MLIP: variants seen among roughly 807,000 people sequenced by gnomAD.
The protein encoded by MLIP is muscular LMNA-interacting protein.
In MLIP, 79 loss-of-function variants were observed where a neutral mutation model predicts 84.8. That is an observed-to-expected ratio of 0.93 (90% CI 0.78 to 1.12). The LOEUF is 1.12. Ranked by LOEUF, MLIP falls within the 50% of genes most tolerant of loss-of-function variation. MLIP has a pLI of 0.00. For missense variants in MLIP, 1,257 were observed against 1,160.6 expected, an observed-to-expected ratio of 1.08 and a Z score of -1.21; for synonymous variants, 504 against 463.0, an observed-to-expected ratio of 1.09 and a Z score of -1.14.
chr6:54,029,650 G>T (rs1441350010), intron 1 of MLIP, among the ~76,000 whole-genome samples: 6 of 151,894 alleles, frequency 4.0e-5, no homozygotes, highest in African/African-American at 1.2e-4. Context: ...TCTGTTCAGG[G>T]TATCATACTA....
rs1281567265 is a variant in MLIP, at chr6:54,124,479, T to C, written c.259T>C (p.Ser87Pro). 1 of 1,612,880 alleles carries C rather than the reference T, an allele frequency of 6.2e-7. No individual in the cohort carries two copies. The highest frequency in any genetic ancestry group is 1.1e-5 in the South Asian group (1 of 90,966). The part of the protein sequence containing the change: ...KSPETVNRSK[S>P]NDYLTLNAGS... ...CTCTCTACATCTATTACAGTCTAAA[T>C]CCAATGACTACTTGACCTTGAATGC... The change falls in exon 3 of 14, where the codon TCC (serine) becomes CCC (proline). Residue 87 changes from serine to proline, a missense_variant. Physicochemically the swap from Ser to Pro is moderately conservative, Grantham distance 74 (BLOSUM62 -1). Transcript: ENST00000502396.
intron 2 of MLIP, 65 bp from the exon 3 acceptor site, chr6:54,124,407 AC>A: frequency 2.8e-6 from 4 of 1,441,890 alleles, no homozygotes; most frequent in Non-Finnish European, 3.7e-6. Flanking sequence ...TTTTCAGTGT[AC>A]ATGCCAAAAA....
At chr6:54,092,305 C>T (rs1767921815) in intron 1 of MLIP, among the ~76,000 whole-genome samples, 1 of 152,074 alleles carries the variant, frequency 6.6e-6, no homozygotes, top group African/African-American at 2.4e-5. Flanking sequence ...CAATGCAAAT[C>T]ATAATTATTG....
intron 11 of MLIP, chr6:54,216,712 T>C: frequency 1.0e-6 from 1 of 985,454 alleles, no homozygotes; most frequent in Non-Finnish European, 1.2e-6. Context: ...ATATATGTGT[T>C]GCTTTAAATA....
intron 10 of MLIP, among the ~76,000 whole-genome samples, chr6:54,195,428 A>T (rs549157525): frequency 6.6e-6 from 1 of 152,170 alleles, no homozygotes; most frequent in East Asian, 1.9e-4. Context: ...GTGTTAGTTG[A>T]AGTTACTAGT....
At chr6:54,124,159 G>A (rs1770704968) in intron 2 of MLIP, among the ~76,000 whole-genome samples, 2 of 152,088 alleles carry the variant, frequency 1.3e-5, no homozygotes, top group Admixed American at 1.3e-4. Flanking sequence ...TTTCACAAAT[G>A]TCTTCACGGA....
chr6:54,059,316 G>T (rs1227045176), intron 1 of MLIP, among the ~76,000 whole-genome samples: 1 of 152,154 alleles, frequency 6.6e-6, no homozygotes, highest in Non-Finnish European at 1.5e-5. Flanking sequence ...ATGTTGCTTT[G>T]ATTTGTCTTT....
chr6:54,242,703 T>C (rs1239846470), intron 12 of MLIP, among the ~76,000 whole-genome samples: 1 of 152,168 alleles, frequency 6.6e-6, no homozygotes, highest in African/African-American at 2.4e-5. Context: ...AATATTTAAA[T>C]CTAAAGATGT....
chr6:54,233,084 G>A (rs941141592), intron 12 of MLIP, among the ~76,000 whole-genome samples: 2 of 152,118 alleles, frequency 1.3e-5, no homozygotes, highest in African/African-American at 2.4e-5. Flanking sequence ...GGATGCTCAG[G>A]TACTTTCTTT....
chr6:54,156,452 G>A lies in MLIP; in HGVS notation c.2290-3915G>A, dbSNP rs142177080. Reference sequence around the variant, plus strand: ...AAGTAACCTAATAAAAGTTATGTTTGCCAGAGTAAGTTTCCACAGACTAAT... The same window carrying A: ...AAGTAACCTAATAAAAGTTATGTTTACCAGAGTAAGTTTCCACAGACTAAT... On this transcript the variant is annotated intron_variant, in intron 5 of 13. Transcript: ENST00000502396. Among the ~76,000 whole-genome samples the A allele has an allele frequency of 2.1e-3, 320 of 152,154 alleles. 2 individuals are homozygous for A. The highest frequency in any genetic ancestry group is 7.4e-3 in the African/African-American group (306 of 41,534).
chr6:54,120,646 T>A (rs1770371837), intron 1 of MLIP, among the ~76,000 whole-genome samples: 1 of 152,224 alleles, frequency 6.6e-6, no homozygotes, highest in Non-Finnish European at 1.5e-5. Context: ...TGATACACTC[T>A]CCACTGCTGC....
At chr6:54,189,780 A>G in intron 9 of MLIP, 90 bp from the exon 10 acceptor site, 2 of 957,504 alleles carry the variant, frequency 2.1e-6, no homozygotes, top group Non-Finnish European at 1.6e-6. Context: ...ATGGACATAT[A>G]ATAATAAACA....
At chr6:54,239,130 C>G (rs958314983) in intron 12 of MLIP, among the ~76,000 whole-genome samples, 9 of 151,896 alleles carry the variant, frequency 5.9e-5, no homozygotes, top group African/African-American at 2.2e-4. Flanking sequence ...TAAAAAATCT[C>G]TACCACTATA....
At chr6:54,224,452 A>T (rs1780436351) in intron 11 of MLIP, among the ~76,000 whole-genome samples, 1 of 152,110 alleles carries the variant, frequency 6.6e-6, no homozygotes, top group Admixed American at 6.6e-5. Context: ...ACCCTCAAAA[A>T]GCTCCAAGTC....
At position 54,239,482 on chromosome 6, in the gene MLIP, G is replaced by A. The variant is rs114481088; in HGVS notation, c.2922+8565G>A. Among the ~76,000 whole-genome samples, 1,065 of 150,660 alleles carry A rather than the reference G, an allele frequency of 7.1e-3. 11 individuals carry two copies. Among genetic ancestry groups the A allele is most frequent in the African/African-American group, 0.025 (1,009 of 40,998 alleles). ...TTTGAAGAATTTTATTTTTTAAATA[G>A]TTTTGAGGCTGGGTGTGGTGGCTCA... On this transcript the variant is annotated intron_variant, in intron 12 of 13. Coordinates refer to ENST00000502396, the MANE Select transcript of MLIP (RefSeq NM_001281747.2).
chr6:54,146,504 G>C (rs1164025876), intron 4 of MLIP, among the ~76,000 whole-genome samples: 1 of 152,158 alleles, frequency 6.6e-6, no homozygotes, highest in Non-Finnish European at 1.5e-5. Flanking sequence ...GATTTCAAGA[G>C]GGGGGAAATA....
chr6:54,177,257 C>A (rs899554496), intron 9 of MLIP, among the ~76,000 whole-genome samples: 14 of 151,998 alleles, frequency 9.2e-5, no homozygotes, highest in African/African-American at 3.1e-4. Flanking sequence ...AGTGAACAGA[C>A]AACCTAGAGA....
chr6:54,251,344 G>C (rs1348569113), intron 12 of MLIP, among the ~76,000 whole-genome samples: 1 of 148,334 alleles, frequency 6.7e-6, no homozygotes, highest in Non-Finnish European at 1.5e-5. Context: ...AAGATTTCCT[G>C]GGTTCCTCTA....
At chr6:54,236,765 T>G (rs1166222319) in intron 12 of MLIP, among the ~76,000 whole-genome samples, 1 of 152,148 alleles carries the variant, frequency 6.6e-6, no homozygotes, top group African/African-American at 2.4e-5. Flanking sequence ...TGATGTGTCT[T>G]AAAAGAGAAA....
Sources: gnomAD v4.1 joint callset for allele counts (sites outside exome capture counted in the v4.1 genomes callset) on GRCh38, gnomAD v4.1.1 for gene constraint, MANE v1.5 for transcripts, NCBI Gene and HGNC (gene_info 2026-07-23, HGNC 2026-07-21) for gene names.